The following ACOXL variants were observed in gnomAD, a reference collection of about 807,000 sequenced individuals.
ACOXL encodes the protein acyl-coenzyme A oxidase-like protein.
In ACOXL, 70 loss-of-function variants were observed where a neutral mutation model predicts 71.9. The observed-to-expected ratio is 0.97, with a 90% CI of 0.80 to 1.19. The LOEUF is 1.19. Ranked by LOEUF, ACOXL falls within the 50% of genes most tolerant of loss-of-function variation. ACOXL has a pLI of 0.00. For synonymous variants in ACOXL, 253 were observed against 281.6 expected (o/e 0.90, Z 1.02); for missense variants, 703 against 736.3 (o/e 0.95, Z 0.52).
At chr2:111,107,455 T>G (rs551225252) in intron 17 of ACOXL, among the ~76,000 whole-genome samples, 35 of 152,288 alleles carry the variant, frequency 2.3e-4, no homozygotes, top group African/African-American at 7.2e-4. Context: ...TATAGTTTTT[T>G]TTGTTGTTGT....
intron 10 of ACOXL, among the ~76,000 whole-genome samples, chr2:110,878,195 C>T (rs528775971): frequency 2.1e-4 from 32 of 151,932 alleles, no homozygotes; most frequent in Non-Finnish European, 2.6e-4. Context: ...GTCAAAAGAA[C>T]GACCAAGGAA....
At chr2:110,774,853 A>G (rs1340147077) in intron 2 of ACOXL, among the ~76,000 whole-genome samples, 1 of 152,250 alleles carries the variant, frequency 6.6e-6, no homozygotes, top group African/African-American at 2.4e-5. Context: ...AGGGACTCTG[A>G]ATAGCCAAAG....
intron 15 of ACOXL, among the ~76,000 whole-genome samples, chr2:111,036,519 A>AACATTGGGGAAGAG (rs2065524618): frequency 6.6e-6 from 1 of 152,218 alleles, no homozygotes; most frequent in African/African-American, 2.4e-5. Context: ...TGGAGGTCCC[A>AACATTGGGGAAGAG]ACATTGGGGA....
chr2:110,840,277 T>TTGTA (rs1691001226), intron 9 of ACOXL, among the ~76,000 whole-genome samples: 1 of 152,200 alleles, frequency 6.6e-6, no homozygotes, highest in South Asian at 2.1e-4. Context: ...TCATCACTTG[T>TTGTA]TGTATGATGA....
chr2:110,876,829 G>A (rs1185419935), intron 10 of ACOXL, among the ~76,000 whole-genome samples: 1 of 152,226 alleles, frequency 6.6e-6, no homozygotes, highest in East Asian at 1.9e-4. Flanking sequence ...GCATTATAGG[G>A]ATACCATGGT....
At chr2:111,016,190 C>T (rs939407328) in intron 14 of ACOXL, among the ~76,000 whole-genome samples, 8 of 151,988 alleles carry the variant, frequency 5.3e-5, no homozygotes, top group Admixed American at 3.9e-4. Context: ...CCCTCCTTGG[C>T]CTCCCAAAGT....
At chr2:110,793,501 G>C (rs1684903665) in intron 3 of ACOXL, 149 bp from the exon 4 acceptor site, 1 of 695,842 alleles carries the variant, frequency 1.4e-6, no homozygotes. Context: ...GCAGTGAAGA[G>C]GAAGGGCAAA....
intron 7 of ACOXL, among the ~76,000 whole-genome samples, chr2:110,801,158 T>A (rs181087673): frequency 5.3e-5 from 8 of 152,310 alleles, no homozygotes; most frequent in Non-Finnish European, 1.0e-4. Flanking sequence ...CCTGCTGTCC[T>A]TGTGGCTATT....
At chr2:110,828,824 T>TG (rs1477494428) in intron 9 of ACOXL, among the ~76,000 whole-genome samples, 1 of 152,186 alleles carries the variant, frequency 6.6e-6, no homozygotes, top group East Asian at 1.9e-4. Flanking sequence ...CTATTTTTTT[T>TG]TTTTGAGATG....
intron 1 of ACOXL, among the ~76,000 whole-genome samples, chr2:110,754,974 G>GT (rs1295366232): frequency 1.3e-5 from 2 of 152,178 alleles, no homozygotes; most frequent in Non-Finnish European, 2.9e-5. Flanking sequence ...CAGCATGCTT[G>GT]TTAACACTTG....
intron 14 of ACOXL, among the ~76,000 whole-genome samples, chr2:111,008,905 T>C (rs1186031913): frequency 6.6e-6 from 1 of 152,218 alleles, no homozygotes; most frequent in Non-Finnish European, 1.5e-5. Context: ...TTCAATGTAT[T>C]GTCTGCTCAT....
chr2:110,970,395 T>C (rs1316613483), intron 12 of ACOXL, among the ~76,000 whole-genome samples: 6 of 152,238 alleles, frequency 3.9e-5, no homozygotes, highest in South Asian at 2.1e-4. Context: ...AAAAGTCACA[T>C]GATCATGTCA....
rs561036015 is a variant in ACOXL, at chr2:110,988,933, T to C, written c.1169+1716T>C. On this transcript the variant is annotated intron_variant, in intron 13 of 17. Transcript: ENST00000439055. ...ATTTTTAAGGGCTCTTTATCCTTTGTTGTTACAAATGCTATAATTATCTTT... is the reference window on the plus strand; with the variant it reads ...ATTTTTAAGGGCTCTTTATCCTTTGCTGTTACAAATGCTATAATTATCTTT... 1.5e-4 allele frequency among the ~76,000 whole-genome samples: 23 copies of C among 151,972 alleles called. No individual in the cohort carries two copies. The South Asian group carries it at 4.6e-3, about 30-fold the overall frequency.
chr2:110,795,207 C>T lies in ACOXL; in HGVS notation c.345+1033C>T, dbSNP rs11689705. On this transcript the variant is annotated intron_variant, in intron 5 of 17. Coordinates refer to ENST00000439055, the MANE Select transcript of ACOXL (RefSeq NM_001142807.4). ...CCTTGAGCAGGTGGATTTTTGTTAG[C>T]GGGGTTTCCTGACCCAGGGTTGCTG... Among the ~76,000 whole-genome samples the T allele has an allele frequency of 9.9e-3, 1,503 of 152,220 alleles. 13 individuals carry two copies. Among genetic ancestry groups the T allele is most frequent in the Middle Eastern group, 0.034 (10 of 294 alleles).
intron 10 of ACOXL, among the ~76,000 whole-genome samples, chr2:110,901,882 G>A (rs1177956731): frequency 1.3e-5 from 2 of 151,806 alleles, no homozygotes; most frequent in African/African-American, 4.8e-5. Context: ...AAAAAATTAG[G>A]CAGGTGTGGT....
intron 12 of ACOXL, among the ~76,000 whole-genome samples, chr2:110,938,402 A>G (rs2060743724): frequency 6.6e-6 from 1 of 152,256 alleles, no homozygotes; most frequent in Non-Finnish European, 1.5e-5. Context: ...CCAGCACCAC[A>G]TGGTGCAGCT....
chr2:111,039,623 A>T (rs911668541), intron 15 of ACOXL, among the ~76,000 whole-genome samples: 4 of 152,214 alleles, frequency 2.6e-5, no homozygotes, highest in Non-Finnish European at 4.4e-5. Context: ...TTTTTATATA[A>T]CATTAGTGTA....
At chr2:111,080,774 A>G (rs577697149) in intron 16 of ACOXL, among the ~76,000 whole-genome samples, 69 of 152,332 alleles carry the variant, frequency 4.5e-4, no homozygotes, top group South Asian at 8.3e-4. Flanking sequence ...CATCCTCAAT[A>G]AAAAACTGGC....
intron 12 of ACOXL, among the ~76,000 whole-genome samples, chr2:110,970,343 A>G (rs323649): frequency 0.94 from 143,849 of 152,314 alleles, 68,451 homozygotes; most frequent in East Asian, 1. Flanking sequence ...ACATTCAAAA[A>G]TCAATCAAAT....
Sources: gnomAD v4.1 joint callset for allele counts (sites outside exome capture counted in the v4.1 genomes callset) on GRCh38, gnomAD v4.1.1 for gene constraint, MANE v1.5 for transcripts, NCBI Gene and HGNC (gene_info 2026-07-23, HGNC 2026-07-21) for gene names.